Variants in SLC4A10 observed in about 807,000 individuals in gnomAD.
SLC4A10 encodes the protein solute carrier family 4 member 10, also known as sodium-driven chloride bicarbonate exchanger.
Under a neutral mutation model 137.7 loss-of-function variants are expected in SLC4A10, and 42 were observed. The ratio of observed to expected loss-of-function variants is 0.30; its 90% CI spans 0.24 to 0.39. SLC4A10 has a LOEUF of 0.39. Ranked by LOEUF, SLC4A10 falls within the 10% of genes least tolerant of loss-of-function variation. SLC4A10 has a pLI of 1.00. For missense variants in SLC4A10, 925 were observed against 1,355.0 expected (o/e 0.68, Z 4.98); for synonymous variants, 474 against 464.1 (o/e 1.02, Z -0.27).
chr2:161,923,554 C>G (rs1437475027), intron 15 of SLC4A10, among the ~76,000 whole-genome samples: 2 of 152,058 alleles, frequency 1.3e-5, no homozygotes, highest in Non-Finnish European at 2.9e-5. Flanking sequence ...AACCATCATT[C>G]TCAGCAAACT....
At chr2:161,698,597 G>T (rs2042791733) in intron 1 of SLC4A10, among the ~76,000 whole-genome samples, 2 of 152,160 alleles carry the variant, frequency 1.3e-5, no homozygotes, top group South Asian at 4.1e-4. Flanking sequence ...CTGTTTATAT[G>T]CTGGATTACG....
chr2:161,832,483 A>T (rs1395462845), intron 3 of SLC4A10, among the ~76,000 whole-genome samples: 1 of 152,168 alleles, frequency 6.6e-6, no homozygotes, highest in African/African-American at 2.4e-5. Context: ...AAACTTGTGG[A>T]CCAAATTGTC....
At chr2:161,859,594 C>CTTTTTTT (rs72003642) in intron 5 of SLC4A10, among the ~76,000 whole-genome samples, 21 of 47,286 alleles carry the variant, frequency 4.4e-4, no homozygotes, top group African/African-American at 9.0e-4. Flanking sequence ...CTTTTCTTTT[C>CTTTTTTT]TTTTTTTTTT....
intron 3 of SLC4A10, among the ~76,000 whole-genome samples, chr2:161,819,278 G>C (rs902792561): frequency 2.0e-5 from 3 of 152,120 alleles, no homozygotes; most frequent in Non-Finnish European, 4.4e-5. Context: ...TCCTAGGTGA[G>C]TCTAAAGAGG....
chr2:161,963,419 A>G (rs992189924), intron 21 of SLC4A10, among the ~76,000 whole-genome samples: 6 of 152,168 alleles, frequency 3.9e-5, no homozygotes, highest in Admixed American at 6.5e-5. Flanking sequence ...AGTGCTGTAT[A>G]TAAAGTTAAT....
At chr2:161,855,735 T>A (rs1177197805) in intron 5 of SLC4A10, among the ~76,000 whole-genome samples, 1 of 152,074 alleles carries the variant, frequency 6.6e-6, no homozygotes, top group Non-Finnish European at 1.5e-5. Flanking sequence ...AACTCCTGTA[T>A]CTTTTGACCA....
intron 2 of SLC4A10, among the ~76,000 whole-genome samples, chr2:161,794,283 T>C (rs1296793280): frequency 6.6e-6 from 1 of 152,142 alleles, no homozygotes; most frequent in East Asian, 1.9e-4. Context: ...AACTCGCCAA[T>C]AAATAGGTTC....
At chr2:161,891,350 A>G (rs1286225066) in intron 10 of SLC4A10, among the ~76,000 whole-genome samples, 1 of 152,102 alleles carries the variant, frequency 6.6e-6, no homozygotes, top group Non-Finnish European at 1.5e-5. Context: ...TTGCCTTGCT[A>G]GGTTGGGGAA....
intron 26 of SLC4A10, among the ~76,000 whole-genome samples, chr2:161,979,300 T>C (rs1461888494): frequency 2.0e-5 from 3 of 152,250 alleles, no homozygotes; most frequent in Admixed American, 6.5e-5. Flanking sequence ...GTTTTAAAAA[T>C]ATATATCCAG....
intron 11 of SLC4A10, among the ~76,000 whole-genome samples, chr2:161,898,014 T>TATCA (rs2063696341): frequency 6.6e-6 from 1 of 152,128 alleles, no homozygotes; most frequent in South Asian, 2.1e-4. Context: ...ATGACACCCT[T>TATCA]TAAAATCGAA....
At chr2:161,669,511 T>A (rs936600525) in intron 1 of SLC4A10, among the ~76,000 whole-genome samples, 1 of 151,994 alleles carries the variant, frequency 6.6e-6, no homozygotes, top group Admixed American at 6.6e-5. Context: ...TAGTTACTTT[T>A]GGTATAATTA....
intron 15 of SLC4A10, among the ~76,000 whole-genome samples, chr2:161,937,077 T>G (rs369537633): frequency 2.0e-5 from 3 of 152,214 alleles, no homozygotes; most frequent in East Asian, 3.8e-4. Flanking sequence ...AATTTATCTT[T>G]TAACTTCCTC....
intron 1 of SLC4A10, among the ~76,000 whole-genome samples, chr2:161,650,775 C>G (rs2105579671): frequency 6.6e-6 from 1 of 152,256 alleles, no homozygotes; most frequent in African/African-American, 2.4e-5. Context: ...CACCTCTGGA[C>G]TTTGGGTGCC....
intron 1 of SLC4A10, among the ~76,000 whole-genome samples, chr2:161,728,386 C>T (rs903915168): frequency 6.6e-6 from 1 of 152,066 alleles, no homozygotes; most frequent in East Asian, 1.9e-4. Flanking sequence ...ACCAGCCTGA[C>T]CAACATGGTG....
intron 1 of SLC4A10, among the ~76,000 whole-genome samples, chr2:161,662,274 A>C (rs2038523931): frequency 1.3e-5 from 2 of 152,182 alleles, no homozygotes; most frequent in South Asian, 4.2e-4. Context: ...GAACAATCAA[A>C]CCTCTTTATT....
intron 10 of SLC4A10, 110 bp downstream of exon 10, chr2:161,882,554 A>C: frequency 1.8e-6 from 1 of 566,786 alleles, no homozygotes. Flanking sequence ...TCTGTATTGA[A>C]TCCCATTCTC....
At chr2:161,739,603 T>C (rs1236805766) in intron 1 of SLC4A10, among the ~76,000 whole-genome samples, 1 of 152,178 alleles carries the variant, frequency 6.6e-6, no homozygotes, top group Non-Finnish European at 1.5e-5. Context: ...ACTACTCCTA[T>C]CAAGATCCAT....
At chr2:161,917,588 A>G (rs934611569) in intron 15 of SLC4A10, among the ~76,000 whole-genome samples, 7 of 151,938 alleles carry the variant, frequency 4.6e-5, no homozygotes, top group Non-Finnish European at 1.0e-4. Context: ...AAAAAAAAAA[A>G]AAAAGAAAGA....
At chr2:161,899,052 A>G (rs1278920276) in intron 11 of SLC4A10, among the ~76,000 whole-genome samples, 3 of 152,182 alleles carry the variant, frequency 2.0e-5, no homozygotes, top group Admixed American at 1.3e-4. Context: ...AAGAACTTCT[A>G]TAGATTGCTA....
Sources: allele counts gnomAD v4.1 joint callset (sites outside exome capture counted in the v4.1 genomes callset), GRCh38; gene constraint gnomAD v4.1.1; transcripts MANE v1.5; gene names NCBI Gene and HGNC (gene_info 2026-07-23, HGNC 2026-07-21).